The following RPS6KC1 variants were observed in gnomAD, a reference collection of about 807,000 sequenced individuals.
The protein encoded by RPS6KC1 is ribosomal protein S6 kinase C1.
RPS6KC1 carries 54 observed loss-of-function variants against 103.8 expected under a neutral mutation model. That is an observed-to-expected ratio of 0.52 (90% CI 0.42 to 0.65). The LOEUF is 0.65. RPS6KC1 is among the 30% of genes least tolerant of loss of function. The pLI, the probability that RPS6KC1 is intolerant of heterozygous loss-of-function variation, is 0.00. For synonymous variants in RPS6KC1, 439 were observed against 438.7 expected, an observed-to-expected ratio of 1.00 and a Z score of -0.01; for missense variants, 1,151 against 1,253.8, an observed-to-expected ratio of 0.92 and a Z score of 1.24.
the RPS6KC1 span, among the ~76,000 whole-genome samples, chr1:213,674,807 T>G: frequency 6.6e-6 from 1 of 152,208 alleles, no homozygotes; most frequent in African/African-American, 2.4e-5. Flanking sequence ...TTTATCTTTT[T>G]TTTAACTTTT....
At chr1:213,614,570 C>T in the RPS6KC1 span, among the ~76,000 whole-genome samples, 3 of 152,220 alleles carry the variant, frequency 2.0e-5, no homozygotes, top group Admixed American at 6.5e-5. Flanking sequence ...GTCGGCCTGC[C>T]TCATCTCAGC....
At chr1:213,183,939 A>T (rs1405469986) in intron 8 of RPS6KC1, among the ~76,000 whole-genome samples, 1 of 152,168 alleles carries the variant, frequency 6.6e-6, no homozygotes, top group African/African-American at 2.4e-5. Flanking sequence ...ACAGGTATGG[A>T]TCTTGCCTAC....
chr1:213,450,930 G>A, the RPS6KC1 span, among the ~76,000 whole-genome samples: 18 of 139,114 alleles, frequency 1.3e-4, no homozygotes, highest in African/African-American at 4.9e-4. Flanking sequence ...AGCTGAGTTC[G>A]TGCCATTGCA....
At chr1:213,279,054 T>G (rs950259846), downstream of RPS6KC1, among the ~76,000 whole-genome samples, 8 of 152,144 alleles carry the variant, frequency 5.3e-5, no homozygotes, top group Admixed American at 3.3e-4. Flanking sequence ...CCAGGTTAAA[T>G]GCCATGCTGA....
the RPS6KC1 span, among the ~76,000 whole-genome samples, chr1:213,389,615 G>A: frequency 6.6e-6 from 1 of 152,184 alleles, no homozygotes; most frequent in East Asian, 1.9e-4. Context: ...CCCGAGGCCC[G>A]GGCTCCAGGT....
At chr1:213,839,416 C>A in the RPS6KC1 span, among the ~76,000 whole-genome samples, 2 of 152,170 alleles carry the variant, frequency 1.3e-5, no homozygotes, top group Non-Finnish European at 2.9e-5. Context: ...TCCTTCCTTT[C>A]TGAAGGAGTT....
intron 5 of RPS6KC1, among the ~76,000 whole-genome samples, chr1:213,117,933 A>T: frequency 6.8e-6 from 1 of 147,596 alleles, no homozygotes; most frequent in Non-Finnish European, 1.5e-5. Context: ...GAGGCACAAG[A>T]ATCGCTTGAA....
chr1:213,634,441 A>C, the RPS6KC1 span, among the ~76,000 whole-genome samples: 1 of 152,224 alleles, frequency 6.6e-6, no homozygotes, highest in Admixed American at 6.5e-5. Context: ...AAAACCACAC[A>C]ACTACATGGA....
At chr1:213,594,832 G>A in the RPS6KC1 span, among the ~76,000 whole-genome samples, 5 of 152,206 alleles carry the variant, frequency 3.3e-5, no homozygotes, top group African/African-American at 1.2e-4. Flanking sequence ...GACACTGGGA[G>A]ACAGAGACAG....
At chr1:213,255,172 TCCCATGCCTGTGGTCCTGGGA>T (rs1295955086) in intron 12 of RPS6KC1, among the ~76,000 whole-genome samples, 3 of 151,760 alleles carry the variant, frequency 2.0e-5, no homozygotes, top group South Asian at 4.2e-4. Flanking sequence ...CCAAGTGTGG[TCCCATGCCTGTGGTCCTGGGA>T]CCCATGCCTG....
the RPS6KC1 span, among the ~76,000 whole-genome samples, chr1:213,405,642 A>G: frequency 6.6e-6 from 1 of 152,312 alleles, no homozygotes; most frequent in South Asian, 2.1e-4. Flanking sequence ...GCCAGATTCC[A>G]TTAATTTCAG....
the RPS6KC1 span, among the ~76,000 whole-genome samples, chr1:213,466,746 A>T: frequency 6.6e-6 from 1 of 152,134 alleles, no homozygotes; most frequent in African/African-American, 2.4e-5. Flanking sequence ...TCAGAGTCTT[A>T]GACTCCTCCC....
the RPS6KC1 span, among the ~76,000 whole-genome samples, chr1:213,710,775 A>T: frequency 6.6e-6 from 1 of 151,872 alleles, no homozygotes; most frequent in Non-Finnish European, 1.5e-5. Flanking sequence ...TTATTTATGG[A>T]GCTTAGTTTG....
At chr1:213,636,896 C>T in the RPS6KC1 span, among the ~76,000 whole-genome samples, 1 of 151,836 alleles carries the variant, frequency 6.6e-6, no homozygotes, top group Admixed American at 6.6e-5. Context: ...CCAGAATCTA[C>T]AAAGAACTTA....
At position 213,239,016 on chromosome 1, in the gene RPS6KC1, T is replaced by C. The variant is rs115031515; in HGVS notation, c.1226-1686T>C. Among the ~76,000 whole-genome samples, 863 of 152,308 alleles carry C rather than the reference T, an allele frequency of 5.7e-3. 10 individuals carry two copies. The highest frequency in any genetic ancestry group is 0.017 in the African/African-American group (720 of 41,554). On this transcript the variant is annotated intron_variant, in intron 10 of 14. Transcript: ENST00000366960. ...ATTGTTGTCAATAGACTAAAGAATA[T>C]AGACTCAATGCATAGCTCCTTTTAA... is the stretch of plus-strand genomic sequence containing the variant.
chr1:213,547,606 G>A, the RPS6KC1 span, among the ~76,000 whole-genome samples: 1 of 152,190 alleles, frequency 6.6e-6, no homozygotes, highest in South Asian at 2.1e-4. Context: ...CTGATGGGAG[G>A]TATTTGGGTC....
Position 213,269,403 on chromosome 1 carries a change from G to A in RPS6KC1, c.3091-3121G>A, listed in dbSNP as rs573312159. 3.3e-5 allele frequency among the ~76,000 whole-genome samples: 5 copies of A among 152,278 alleles called. No individual in the cohort carries two copies. The East Asian group carries it at 5.8e-4, about 18-fold the overall frequency. On this transcript the variant is annotated intron_variant, in intron 14 of 14. Coordinates refer to ENST00000366960, the MANE Select transcript of RPS6KC1 (RefSeq NM_012424.6). ...CCATGATTTATAGAAAATTAGCAAG[G>A]ACATTGAAGACTTGAACAAACTGTA...
the RPS6KC1 span, among the ~76,000 whole-genome samples, chr1:213,295,393 T>C: frequency 5.3e-5 from 8 of 152,194 alleles, no homozygotes. Flanking sequence ...TTGGGATGTC[T>C]TCTTTCTTTC....
the RPS6KC1 span, among the ~76,000 whole-genome samples, chr1:213,636,326 A>C: frequency 2.0e-5 from 3 of 152,226 alleles, no homozygotes; most frequent in Non-Finnish European, 2.9e-5. Flanking sequence ...ACCTAAGCAA[A>C]AAGAACAAAG....
Sources: gnomAD v4.1 joint callset for allele counts (sites outside exome capture counted in the v4.1 genomes callset) on GRCh38, gnomAD v4.1.1 for gene constraint, MANE v1.5 for transcripts, NCBI Gene and HGNC (gene_info 2026-07-23, HGNC 2026-07-21) for gene names.